TNS3: variants seen among roughly 807,000 people sequenced by gnomAD.
TNS3 encodes the protein tensin 3.
TNS3 carries 45 observed loss-of-function variants against 140.9 expected under a neutral mutation model. The observed-to-expected ratio is 0.32, with a 90% CI of 0.25 to 0.41. The LOEUF is 0.41. Ranked by LOEUF, TNS3 falls within the 10% of genes least tolerant of loss-of-function variation. The pLI is 1.00. For missense variants in TNS3, 1,716 were observed against 1,906.7 expected (o/e 0.90, Z 1.86); for synonymous variants, 815 against 788.4 (o/e 1.03, Z -0.56).
rs751943804 is a variant in TNS3 at position 47,369,231 on chromosome 7, T to A, written c.1415A>T (p.Asp472Val). The part of the protein sequence containing the change: ...VHVNGDAALK[D>V]RETDILDDEM... ...GTCATCCAGAATGTCTGTCTCCCGA[T>A]CCTTCAGAGCAGCGTCTCCATTCAC... Residue 472 changes from aspartate (D) to valine (V), a missense_variant, in exon 17 of 31, where the codon GAT becomes GTT. Transcript: ENST00000311160. The A allele has an allele frequency of 6.2e-7, 1 of 1,614,196 alleles. No individual in the cohort carries two copies. The highest frequency in any genetic ancestry group is 8.5e-7 in the Non-Finnish European group (1 of 1,180,040).
rs765839869 is a variant in TNS3, at chr7:47,369,088, G to T, written c.1558C>A (p.Leu520Ile). 3.7e-6 allele frequency: 6 copies of T among 1,614,182 alleles called. No individual in the cohort carries two copies. In the East Asian group the frequency reaches 1.3e-4, roughly 36 times the overall value. Residue 520 changes from leucine to isoleucine, a missense_variant, in exon 17 of 31, where the codon CTC (leucine) becomes ATC (isoleucine). Leu to Ile is a conservative substitution (Grantham distance 5). Around this residue, in one of 3 missense-constraint regions of TNS3, gnomAD observed 1,163 missense variants for 1,182.1 expected, o/e 0.98. Transcript: ENST00000311160. Reference sequence around the variant, plus strand: ...TTGCTGCCAAAACCGTCAGATAGGAGTGAGTTCTGGCTGCTCTTGTGGCAG... The same window carrying T: ...TTGCTGCCAAAACCGTCAGATAGGATTGAGTTCTGGCTGCTCTTGTGGCAG... ...FTCHKSSQNS[L>I]LSDGFGSNVG...
chr7:47,310,111 C>T (rs1787004217), intron 20 of TNS3, among the ~76,000 whole-genome samples: 1 of 152,198 alleles, frequency 6.6e-6, no homozygotes, highest in African/African-American at 2.4e-5. Flanking sequence ...GCTACCAAGG[C>T]ACCAGTTCTG....
rs904395053 is a variant in TNS3 at position 47,470,672 on chromosome 7, T to C, written c.-76+10431A>G. 3.0e-6 allele frequency: 3 copies of C among 985,112 alleles called. No individual in the cohort carries two copies. The African/African-American group carries it at 5.2e-5, about 17-fold the overall frequency. The allele number at this position is 985,112 out of a possible 1,614,324, so 61.0% of individuals were successfully genotyped here. ...AGACGCAGGTAATGGTCAGGGCTGA[T>C]GGGAATCCAGTGTCTGTGAGCCACA... is the stretch of plus-strand genomic sequence containing the variant. On this transcript the variant is annotated intron_variant, in intron 4 of 30. Coordinates refer to ENST00000311160, the MANE Select transcript of TNS3 (RefSeq NM_022748.12).
At chr7:47,330,632 G>C (rs1344121044) in intron 20 of TNS3, among the ~76,000 whole-genome samples, 3 of 152,022 alleles carry the variant, frequency 2.0e-5, no homozygotes, top group African/African-American at 7.3e-5. Flanking sequence ...AGGGAGAGGA[G>C]GAACAGAGGG....
At position 47,454,089 on chromosome 7, in the gene TNS3, G is replaced by A. The variant is rs974540576; in HGVS notation, c.-75-12034C>T. Among the ~76,000 whole-genome samples, 2 of 152,178 alleles carry A rather than the reference G, an allele frequency of 1.3e-5. 1 individual carries two copies. Among genetic ancestry groups the A allele is most frequent in the South Asian group, 4.1e-4 (2 of 4,830 alleles). ...GACCAAGGGAGGGGAGGTGGGGAGG[G>A]CCTCATTGGGCCCCCAGCATAACCC... On this transcript the variant is annotated intron_variant, in intron 4 of 30. Coordinates refer to ENST00000311160, the MANE Select transcript of TNS3 (RefSeq NM_022748.12).
chr7:47,368,322 G>C (rs1554302522), intron 17 of TNS3, 43 bp downstream of exon 17: 1 of 1,434,838 alleles, frequency 7.0e-7, no homozygotes. Context: ...AGCCTCCCGT[G>C]GAGCACCTCC....
chr7:47,486,543 C>G (rs997547566), intron 3 of TNS3, among the ~76,000 whole-genome samples: 1 of 152,164 alleles, frequency 6.6e-6, no homozygotes, highest in South Asian at 2.1e-4. Context: ...TGCACTGGCC[C>G]GGCCACCATT....
rs913790322 is a variant in TNS3, at chr7:47,346,076, T to C, written c.2451+111A>G. 5.1e-6 allele frequency: 7 copies of C among 1,379,476 alleles called. No individual in the cohort carries two copies. In the African/African-American group the frequency reaches 8.6e-5, roughly 17 times the overall value. The allele number at this position is 1,379,476 out of a possible 1,614,324, so 85.5% of individuals were successfully genotyped here. On this transcript the variant is annotated intron_variant, in intron 18 of 30. Coordinates refer to ENST00000311160, the MANE Select transcript of TNS3 (RefSeq NM_022748.12). Reference sequence around the variant, plus strand: ...GACGGAAGGTGGGTGCGGAGGATAATGTGGGCTGTATTCAGGGACAAGGCC... The same window carrying C: ...GACGGAAGGTGGGTGCGGAGGATAACGTGGGCTGTATTCAGGGACAAGGCC...
intron 20 of TNS3, among the ~76,000 whole-genome samples, chr7:47,342,871 T>TGGGG (rs1189157405): frequency 1.1e-4 from 17 of 152,180 alleles, no homozygotes; most frequent in Non-Finnish European, 2.4e-4. Flanking sequence ...GCAGAGTGGG[T>TGGGG]GGGGCCTCCT....
At chr7:47,509,821 T>C (rs1377508107) in intron 2 of TNS3, among the ~76,000 whole-genome samples, 1 of 152,030 alleles carries the variant, frequency 6.6e-6, no homozygotes, top group Non-Finnish European at 1.5e-5. Flanking sequence ...TTGACACCCT[T>C]CTGTGCCACT....
intron 3 of TNS3, 149 bp from the exon 4 acceptor site, chr7:47,481,290 T>TA: frequency 3.7e-6 from 2 of 536,422 alleles, no homozygotes; most frequent in East Asian, 6.9e-5. Flanking sequence ...TGACAAGATT[T>TA]AGAGTTAAGA....
intron 16 of TNS3, among the ~76,000 whole-genome samples, chr7:47,376,734 C>T (rs529666715): frequency 2.0e-5 from 3 of 151,684 alleles, no homozygotes; most frequent in African/African-American, 7.2e-5. Flanking sequence ...AAGACACACA[C>T]ACACACACAC....
chr7:47,302,843 G>T, intron 22 of TNS3, 107 bp downstream of exon 22: 1 of 1,428,028 alleles, frequency 7.0e-7, no homozygotes, highest in Non-Finnish European at 9.4e-7. Flanking sequence ...CTCTCCAGGT[G>T]CCCAGCCCAG....
intron 3 of TNS3, among the ~76,000 whole-genome samples, chr7:47,487,749 A>G (rs994651571): frequency 6.6e-6 from 1 of 152,234 alleles, no homozygotes; most frequent in Non-Finnish European, 1.5e-5. Context: ...TCTATCATAC[A>G]TAAAATTACT....
chr7:47,305,905 T>C (rs1484742124), intron 20 of TNS3, among the ~76,000 whole-genome samples: 18 of 152,220 alleles, frequency 1.2e-4, no homozygotes, highest in Admixed American at 1.2e-3. Context: ...GATAAGAGAA[T>C]ATTAATGTAG....
intron 16 of TNS3, among the ~76,000 whole-genome samples, chr7:47,381,726 C>T (rs1208755731): frequency 2.0e-5 from 3 of 152,082 alleles, no homozygotes; most frequent in Non-Finnish European, 2.9e-5. Context: ...CTCAGCGCAC[C>T]CTTGGGAGAA....
chr7:47,454,593 T>C (rs1043092605), intron 4 of TNS3, among the ~76,000 whole-genome samples: 1 of 148,146 alleles, frequency 6.8e-6, no homozygotes, highest in African/African-American at 2.4e-5. Context: ...GGAAAGGCCA[T>C]GGGGAGGGGC....
At chr7:47,506,758 A>C (rs1174442387) in intron 3 of TNS3, 149 bp downstream of exon 3, 3 of 393,790 alleles carry the variant, frequency 7.6e-6, no homozygotes, top group Non-Finnish European at 1.3e-5. Flanking sequence ...TATCCTTGAG[A>C]TGAAAAGTAT....
At chr7:47,428,504 C>T in intron 8 of TNS3, 128 bp from the exon 9 acceptor site, 1 of 588,932 alleles carries the variant, frequency 1.7e-6, no homozygotes, top group Non-Finnish European at 2.6e-6. Context: ...CCAGCATTAC[C>T]CACAGCCTTC....
Sources: allele counts gnomAD v4.1 joint callset (sites outside exome capture counted in the v4.1 genomes callset), GRCh38; gene constraint gnomAD v4.1.1; regional missense constraint gnomAD v4.1.1; transcripts MANE v1.5; gene names NCBI Gene and HGNC (gene_info 2026-07-23, HGNC 2026-07-21).